CNBD1: variants seen among roughly 807,000 people sequenced by gnomAD.
CNBD1 encodes the protein cyclic nucleotide-binding domain-containing protein 1.
In CNBD1, 71 loss-of-function variants were observed where a neutral mutation model predicts 54.4. That is an observed-to-expected ratio of 1.30 (90% CI 1.08 to 1.59). CNBD1 has a LOEUF of 1.59. Among genes scored for constraint, CNBD1 ranks in the 40% most tolerant of loss-of-function variants. CNBD1 has a pLI of 0.00. For missense variants in CNBD1, 659 were observed against 518.0 expected (o/e 1.27, Z -2.64); for synonymous variants, 182 against 170.7 (o/e 1.07, Z -0.51).
intron 4 of CNBD1, among the ~76,000 whole-genome samples, chr8:87,180,625 C>A (rs551512770): frequency 3.9e-5 from 6 of 152,076 alleles, no homozygotes; most frequent in African/African-American, 1.4e-4. Context: ...TAAAACAATA[C>A]CTATAATTTA....
chr8:87,251,038 C>A (rs1224740968), intron 6 of CNBD1, among the ~76,000 whole-genome samples: 1 of 152,050 alleles, frequency 6.6e-6, no homozygotes, highest in Admixed American at 6.6e-5. Flanking sequence ...ACCCCAATTA[C>A]CCTTATTTGA....
intron 1 of CNBD1, among the ~76,000 whole-genome samples, chr8:86,882,341 C>T (rs757795946): frequency 5.3e-5 from 8 of 151,776 alleles, no homozygotes; most frequent in South Asian, 2.1e-4. Flanking sequence ...AAAAAACAAC[C>T]GCATTAAAAA....
At chr8:86,980,974 C>T (rs1808473381) in intron 4 of CNBD1, among the ~76,000 whole-genome samples, 1 of 152,172 alleles carries the variant, frequency 6.6e-6, no homozygotes, top group Non-Finnish European at 1.5e-5. Context: ...CATACCCACA[C>T]ATGGAGACAG....
At chr8:87,386,359 C>A (rs1238449376), downstream of CNBD1, among the ~76,000 whole-genome samples, 1 of 151,780 alleles carries the variant, frequency 6.6e-6, no homozygotes, top group Non-Finnish European at 1.5e-5. Flanking sequence ...AAGTTAAAAA[C>A]CTTGAAAAAA....
chr8:87,005,087 G>A (rs1183312219), intron 4 of CNBD1, among the ~76,000 whole-genome samples: 1 of 151,102 alleles, frequency 6.6e-6, no homozygotes, highest in Non-Finnish European at 1.5e-5. Context: ...CTTAAATATT[G>A]AAAAAGAAAG....
chr8:87,086,368 T>G (rs778362393), intron 4 of CNBD1, among the ~76,000 whole-genome samples: 2 of 152,192 alleles, frequency 1.3e-5, no homozygotes, highest in Non-Finnish European at 2.9e-5. Flanking sequence ...AGCCCTCTGA[T>G]TTATGCAAGA....
intron 2 of CNBD1, among the ~76,000 whole-genome samples, chr8:87,388,513 A>T (rs918520596): frequency 6.6e-6 from 1 of 152,198 alleles, no homozygotes; most frequent in African/African-American, 2.4e-5. Flanking sequence ...GAAATGGATA[A>T]ATTCCTCGAC....
At chr8:87,016,745 C>G (rs1016973607) in intron 4 of CNBD1, among the ~76,000 whole-genome samples, 4 of 152,176 alleles carry the variant, frequency 2.6e-5, no homozygotes, top group Non-Finnish European at 4.4e-5. Flanking sequence ...TGAACAATCA[C>G]TGATGCACAG....
At chr8:86,956,419 G>T (rs76510137) in intron 4 of CNBD1, among the ~76,000 whole-genome samples, 5 of 151,940 alleles carry the variant, frequency 3.3e-5, no homozygotes, top group South Asian at 4.1e-4. Context: ...AATTACCTTG[G>T]GCAGTATGAC....
intron 2 of CNBD1, among the ~76,000 whole-genome samples, chr8:87,408,696 A>T (rs1390454610): frequency 6.6e-6 from 1 of 152,122 alleles, no homozygotes; most frequent in African/African-American, 2.4e-5. Flanking sequence ...GTTTATCAGC[A>T]CAAGTTTTCC....
chr8:87,067,069 T>G (rs1794413268), intron 4 of CNBD1, among the ~76,000 whole-genome samples: 1 of 151,974 alleles, frequency 6.6e-6, no homozygotes, highest in Admixed American at 6.6e-5. Context: ...TTAGGTACAA[T>G]GCACATGTGT....
chr8:87,260,686 C>T (rs554539849), intron 6 of CNBD1, among the ~76,000 whole-genome samples: 1 of 152,162 alleles, frequency 6.6e-6, no homozygotes, highest in African/African-American at 2.4e-5. Flanking sequence ...AGTGACCCAG[C>T]TCACCATACC....
rs537609139 is a variant in CNBD1, at chr8:87,275,912, A to G, written c.772-8766A>G. Among the ~76,000 whole-genome samples, 26 of 152,106 alleles carry G rather than the reference A, an allele frequency of 1.7e-4. 1 individual carries two copies. In the South Asian group the frequency reaches 5.2e-3, roughly 30 times the overall value. On this transcript the variant is annotated intron_variant, in intron 6 of 10. Coordinates refer to ENST00000518476, the MANE Select transcript of CNBD1 (RefSeq NM_173538.3). ...AAATCAATGTACAAAAATCACAAGT[A>G]TTCTTATACACCAATAACAGACAGA...
chr8:86,906,512 A>G (rs7001612), intron 3 of CNBD1, among the ~76,000 whole-genome samples: 72,217 of 152,144 alleles, frequency 0.47, 17,950 homozygotes, highest in South Asian at 0.6. Flanking sequence ...TGATCATACA[A>G]TGCTTATACT....
At chr8:87,378,122 T>C (rs902306866) in intron 10 of CNBD1, among the ~76,000 whole-genome samples, 64 of 144,146 alleles carry the variant, frequency 4.4e-4, no homozygotes, top group African/African-American at 1.6e-3. Flanking sequence ...ACTCTGATGG[T>C]AGTTTCTTTT....
intron 4 of CNBD1, among the ~76,000 whole-genome samples, chr8:86,943,080 G>A (rs1180702752): frequency 1.3e-5 from 2 of 151,390 alleles, no homozygotes; most frequent in Non-Finnish European, 2.9e-5. Flanking sequence ...TTGAGTCACA[G>A]TAACTTTTTA....
chr8:87,240,179 CAT>C (rs1326427890), intron 6 of CNBD1, among the ~76,000 whole-genome samples: 3 of 151,528 alleles, frequency 2.0e-5, no homozygotes, highest in Non-Finnish European at 4.4e-5. Context: ...TGCAGTTAAA[CAT>C]ATTTTACTAA....
chr8:86,993,721 A>G (rs891812487), intron 4 of CNBD1, among the ~76,000 whole-genome samples: 2 of 152,196 alleles, frequency 1.3e-5, no homozygotes, highest in South Asian at 2.1e-4. Flanking sequence ...TGTGTATTAA[A>G]AGAATATTTT....
chr8:87,050,729 G>A lies in CNBD1; in HGVS notation c.431+110975G>A, dbSNP rs190912251. 1.0e-3 allele frequency among the ~76,000 whole-genome samples: 157 copies of A among 152,268 alleles called. 1 individual carries two copies. Among genetic ancestry groups the A allele is most frequent in the African/African-American group, 3.4e-3 (142 of 41,556 alleles). ...AGATTAATAATCACCCAATTAATTC[G>A]AACCACAGCCTCATTAATGAGATGT... On this transcript the variant is annotated intron_variant, in intron 4 of 10. Transcript: ENST00000518476.
Sources: allele counts gnomAD v4.1 joint callset (sites outside exome capture counted in the v4.1 genomes callset), GRCh38; gene constraint gnomAD v4.1.1; transcripts MANE v1.5; gene names NCBI Gene and HGNC (gene_info 2026-07-23, HGNC 2026-07-21).